The following PUDP variants were observed in gnomAD, a reference collection of about 807,000 sequenced individuals.
PUDP encodes pseudouridine-5'-phosphatase.
Under a neutral mutation model 9.4 loss-of-function variants are expected in PUDP, and 8 were observed. The ratio of observed to expected loss-of-function variants is 0.85; its 90% CI spans 0.50 to 1.53. The LOEUF (loss-of-function observed/expected upper bound fraction) is 1.53. PUDP is among the 40% of genes most tolerant of loss of function. The pLI is 0.00. For missense variants in PUDP, 188 were observed against 189.7 expected (o/e 0.99, Z 0.05); for synonymous variants, 99 against 80.7 (o/e 1.23, Z -1.22).
rs1162720074 is a variant in PUDP, at chrX:6,804,796, G to A, written c.*248-98330C>T. Among the ~76,000 whole-genome samples the A allele has an allele frequency of 2.7e-5, 3 of 111,967 alleles. No homozygotes were observed. The East Asian group carries it at 8.4e-4, about 31-fold the overall frequency. Reference sequence around the variant, plus strand: ...ATGCAGTACTGTTAGAGGCTGAGTAGACAGAGCCAAACTGAACCAATTTTG... The same window carrying A: ...ATGCAGTACTGTTAGAGGCTGAGTAAACAGAGCCAAACTGAACCAATTTTG... On this transcript the variant is annotated intron_variant and NMD_transcript_variant, in intron 3 of 3. Transcript: ENST00000655425.
intron 3 of PUDP, among the ~76,000 whole-genome samples, chrX:6,919,083 T>G (rs1280771444): frequency 9.0e-6 from 1 of 111,722 alleles, no homozygotes; most frequent in East Asian, 2.8e-4. Flanking sequence ...AAATAGAGGC[T>G]CCTCTTTTTT....
At chrX:7,035,816 A>G (rs942207641) in intron 1 of PUDP, among the ~76,000 whole-genome samples, 3 of 111,834 alleles carry the variant, frequency 2.7e-5, no homozygotes, top group Admixed American at 9.5e-5. Context: ...TCCAAAGCTC[A>G]TGTTGAAATT....
At chrX:6,807,498 A>T (rs1926070488) in intron 3 of PUDP, among the ~76,000 whole-genome samples, 1 of 112,276 alleles carries the variant, frequency 8.9e-6, no homozygotes, top group African/African-American at 3.2e-5. Flanking sequence ...CTCTACTTCC[A>T]TTTGCGAGTG....
At chrX:7,102,334 A>C (rs1931761618) in intron 2 of PUDP, among the ~76,000 whole-genome samples, 1 of 104,036 alleles carries the variant, frequency 9.6e-6, no homozygotes, top group East Asian at 3.0e-4. Context: ...AAAAAAAAAA[A>C]CAAAAACCGC....
intron 2 of PUDP, among the ~76,000 whole-genome samples, chrX:7,096,865 G>A (rs770204833): frequency 1.5e-3 from 164 of 110,255 alleles, no homozygotes; most frequent in Non-Finnish European, 2.2e-3. Flanking sequence ...TCATGATTGT[G>A]GTTTTTTTTT....
At chrX:6,998,642 G>T (rs1929282895) in intron 1 of PUDP, among the ~76,000 whole-genome samples, 1 of 112,349 alleles carries the variant, frequency 8.9e-6, no homozygotes, top group African/African-American at 3.2e-5. Flanking sequence ...TTGAGTGATG[G>T]TTTTCATTAG....
At chrX:7,130,693 C>A (rs1383057709) in intron 1 of PUDP, among the ~76,000 whole-genome samples, 1 of 109,976 alleles carries the variant, frequency 9.1e-6, no homozygotes, top group Non-Finnish European at 1.9e-5. Context: ...CGAGACCAGC[C>A]TGGGCAACAT....
In PUDP at chrX:6,828,766, G is replaced by A. The variant is rs1926462525; in HGVS notation, c.*248-122300C>T. Among the ~76,000 whole-genome samples the A allele has an allele frequency of 2.7e-5, 3 of 111,625 alleles. No individual in the cohort carries two copies. In the South Asian group the frequency reaches 1.1e-3, roughly 42 times the overall value. Reference sequence around the variant, plus strand: ...TCCATAGTTTTGCCCTGTCCAAAGTGTCATACAGCTGGGCTCATACACTAC... The same window carrying A: ...TCCATAGTTTTGCCCTGTCCAAAGTATCATACAGCTGGGCTCATACACTAC... On this transcript the variant is annotated intron_variant and NMD_transcript_variant, in intron 3 of 3. Coordinates refer to the PUDP transcript ENST00000655425.
intron 3 of PUDP, among the ~76,000 whole-genome samples, chrX:6,727,727 G>C (rs779700182): frequency 2.7e-5 from 3 of 111,980 alleles, no homozygotes; most frequent in Middle Eastern, 4.2e-3. Context: ...ATGCACACCA[G>C]CTGTAGAATT....
chrX:7,098,446 C>T (rs1197045423), intron 2 of PUDP, among the ~76,000 whole-genome samples: 1 of 111,524 alleles, frequency 9.0e-6, no homozygotes, highest in African/African-American at 3.3e-5. Flanking sequence ...ATCCATGAGG[C>T]TCCACCTTCA....
intron 3 of PUDP, among the ~76,000 whole-genome samples, chrX:6,883,882 C>T (rs1027392809): frequency 9.0e-6 from 1 of 111,432 alleles, no homozygotes; most frequent in Non-Finnish European, 1.9e-5. Flanking sequence ...ACTCTGTCAC[C>T]CAGTCTGGAG....
At chrX:6,993,252 G>A (rs755757855) in intron 1 of PUDP, among the ~76,000 whole-genome samples, 1 of 111,505 alleles carries the variant, frequency 9.0e-6, no homozygotes, top group East Asian at 2.8e-4. Context: ...AATACACCTG[G>A]GCATGTCCCT....
chrX:6,820,157 G>T (rs1445508689), intron 3 of PUDP, among the ~76,000 whole-genome samples: 2 of 109,776 alleles, frequency 1.8e-5, no homozygotes, highest in Non-Finnish European at 1.9e-5. Context: ...AGAAACCCCT[G>T]ATAAACCCAA....
At chrX:7,014,688 T>C (rs768234833) in intron 1 of PUDP, among the ~76,000 whole-genome samples, 1 of 111,965 alleles carries the variant, frequency 8.9e-6, no homozygotes, top group African/African-American at 3.3e-5. Flanking sequence ...AGTAAGACAT[T>C]ATTAATCTCT....
chrX:6,889,473 T>G (rs1028117627), intron 3 of PUDP, among the ~76,000 whole-genome samples: 5 of 111,728 alleles, frequency 4.5e-5, no homozygotes, highest in Admixed American at 2.9e-4. Context: ...CAGCAGACAT[T>G]TTCCTTTATC....
intron 3 of PUDP, among the ~76,000 whole-genome samples, chrX:6,889,042 A>G (rs777863061): frequency 8.9e-6 from 1 of 112,326 alleles, no homozygotes; most frequent in South Asian, 3.7e-4. Context: ...TTTTGGAAAT[A>G]TAAGAAGAAA....
chrX:6,750,636 ACAGTTT>A (rs1290334086), intron 3 of PUDP, among the ~76,000 whole-genome samples: 1 of 111,479 alleles, frequency 9.0e-6, no homozygotes, highest in Non-Finnish European at 1.9e-5. Flanking sequence ...CCTCAAAGAA[ACAGTTT>A]CAGTAAAAAT....
At chrX:7,098,418 C>G (rs1373578513) in intron 2 of PUDP, among the ~76,000 whole-genome samples, 1 of 111,517 alleles carries the variant, frequency 9.0e-6, no homozygotes, top group Non-Finnish European at 1.9e-5. Flanking sequence ...CTAGTCCTTT[C>G]ATGACAGCCC....
At chrX:7,137,641 CAA>C (rs1932764359) in intron 1 of PUDP, among the ~76,000 whole-genome samples, 2 of 112,645 alleles carry the variant, frequency 1.8e-5, no homozygotes, top group African/African-American at 3.2e-5. Flanking sequence ...GAGCAAACAT[CAA>C]AGAGACTGTG....
Sources: gnomAD v4.1 joint callset for allele counts (sites outside exome capture counted in the v4.1 genomes callset) on GRCh38, gnomAD v4.1.1 for gene constraint, MANE v1.5 for transcripts, NCBI Gene and HGNC (gene_info 2026-07-23, HGNC 2026-07-21) for gene names.